The following IGF1 variants were observed in gnomAD, a reference collection of about 807,000 sequenced individuals.
IGF1 encodes insulin-like growth factor 1.
IGF1 carries 4 observed loss-of-function variants against 13.8 expected under a neutral mutation model. That is an observed-to-expected ratio of 0.29 (90% CI 0.14 to 0.66). The LOEUF is 0.66. Ranked by LOEUF, IGF1 falls within the 30% of genes least tolerant of loss-of-function variation. The pLI is 0.78. For synonymous variants in IGF1, 76 were observed against 72.6 expected (o/e 1.05, Z -0.23); for missense variants, 124 against 188.5 (o/e 0.66, Z 2.00).
At chr12:102,455,503 A>G (rs571536879) in intron 2 of IGF1, among the ~76,000 whole-genome samples, 4 of 152,318 alleles carry the variant, frequency 2.6e-5, no homozygotes, top group African/African-American at 9.6e-5. Flanking sequence ...TGACAAGTTA[A>G]GTTCATTTTG....
chr12:102,404,751 T>C (rs1240277661), intron 3 of IGF1, among the ~76,000 whole-genome samples: 2 of 107,074 alleles, frequency 1.9e-5, no homozygotes, highest in Non-Finnish European at 3.5e-5. Context: ...TTGTGTTTTG[T>C]TTTTTTTTGT....
At position 102,407,303 on chromosome 12, in the gene IGF1, T is replaced by C. The variant is rs973235035; in HGVS notation, c.403-4737A>G. ...CAAGCTGAAGCTCGCTAACATTTAGTAATGTGCTTGAGGTCACAGAGGAAC... is the reference window on the plus strand; with the variant it reads ...CAAGCTGAAGCTCGCTAACATTTAGCAATGTGCTTGAGGTCACAGAGGAAC... On this transcript the variant is annotated intron_variant, in intron 3 of 3. Transcript: ENST00000337514. Among the ~76,000 whole-genome samples the C allele has an allele frequency of 2.6e-5, 4 of 152,166 alleles. No homozygotes were observed. In the East Asian group the frequency reaches 7.7e-4, roughly 29 times the overall value.
At chr12:102,475,146 T>G (rs1029752380) in intron 2 of IGF1, among the ~76,000 whole-genome samples, 1 of 152,216 alleles carries the variant, frequency 6.6e-6, no homozygotes, top group Admixed American at 6.5e-5. Flanking sequence ...TGTCTGTTCA[T>G]GGTGATTTCA....
intron 2 of IGF1, among the ~76,000 whole-genome samples, chr12:102,447,796 T>G (rs999094721): frequency 5.3e-5 from 8 of 152,176 alleles, no homozygotes; most frequent in Non-Finnish European, 1.2e-4. Context: ...GACTTTAATG[T>G]AAGACCTAAA....
At chr12:102,469,059 T>C (rs1880517361) in intron 2 of IGF1, among the ~76,000 whole-genome samples, 1 of 152,218 alleles carries the variant, frequency 6.6e-6, no homozygotes, top group South Asian at 2.1e-4. Flanking sequence ...ATGTCTCCCC[T>C]ACCAGCCACT....
At chr12:102,418,120 A>T in intron 3 of IGF1, 1 of 1,084,618 alleles carries the variant, frequency 9.2e-7, no homozygotes, top group Non-Finnish European at 1.3e-6. Context: ...CATGCTGGAG[A>T]GGGGTCTAGA....
Position 102,444,188 on chromosome 12 carries a change from G to A in IGF1, c.221-24498C>T, listed in dbSNP as rs532370358. Among the ~76,000 whole-genome samples the A allele has an allele frequency of 2.6e-5, 4 of 152,104 alleles. No individual in the cohort carries two copies. The South Asian group carries it at 8.4e-4, about 32-fold the overall frequency. Reference sequence around the variant, plus strand: ...CTATTGGGTGTGAGGAGTCAAGAGGGAGGGGGCAGAGTGAGGTCCTCTCTG... The same window carrying A: ...CTATTGGGTGTGAGGAGTCAAGAGGAAGGGGGCAGAGTGAGGTCCTCTCTG... On this transcript the variant is annotated intron_variant, in intron 2 of 3. Transcript: ENST00000337514.
chr12:102,440,175 C>T (rs1434701121), intron 2 of IGF1, among the ~76,000 whole-genome samples: 3 of 152,154 alleles, frequency 2.0e-5, no homozygotes, highest in East Asian at 1.9e-4. Flanking sequence ...TGTCCAAATC[C>T]GCATGGCTTC....
Position 102,397,179 on chromosome 12 carries a change from G to A in IGF1, c.*5328C>T. ...ATCATGCCACTGCACTCCAGCCTGG[G>A]GGACAGTGCGAGACCCCATCTCACA... is the stretch of plus-strand genomic sequence containing the variant. On this transcript the variant is annotated 3_prime_UTR_variant, in exon 4 of 4. Transcript: ENST00000337514. 1 of 235,268 alleles carries A rather than the reference G, an allele frequency of 4.3e-6. No homozygotes were observed. The highest frequency in any genetic ancestry group is 8.1e-6 in the Non-Finnish European group (1 of 123,262). The allele number at this position is 235,268 out of a possible 1,614,324, so 14.6% of individuals were successfully genotyped here.
At chr12:102,416,707 G>A (rs1389518352) in intron 3 of IGF1, among the ~76,000 whole-genome samples, 1 of 152,196 alleles carries the variant, frequency 6.6e-6, no homozygotes, top group African/African-American at 2.4e-5. Context: ...CTGTGGTGGG[G>A]TGGTGGAGGG....
At chr12:102,448,816 A>C (rs1440907232) in intron 2 of IGF1, among the ~76,000 whole-genome samples, 1 of 152,144 alleles carries the variant, frequency 6.6e-6, no homozygotes, top group Non-Finnish European at 1.5e-5. Flanking sequence ...ATCACTGGTC[A>C]TTAGAGAAAT....
intron 2 of IGF1, among the ~76,000 whole-genome samples, chr12:102,472,133 A>G (rs1228238575): frequency 6.6e-6 from 1 of 152,154 alleles, no homozygotes; most frequent in Non-Finnish European, 1.5e-5. Flanking sequence ...AGGCTGGCTG[A>G]TAGGCTCTCC....
intron 2 of IGF1, among the ~76,000 whole-genome samples, chr12:102,445,679 C>G (rs1353335779): frequency 6.6e-6 from 1 of 152,220 alleles, no homozygotes; most frequent in African/African-American, 2.4e-5. Flanking sequence ...ATGTCATCTG[C>G]AAACAGAGAC....
At chr12:102,404,091 CT>C (rs1173667982) in intron 3 of IGF1, among the ~76,000 whole-genome samples, 1 of 152,068 alleles carries the variant, frequency 6.6e-6, no homozygotes, top group African/African-American at 2.4e-5. Flanking sequence ...TGAGGTACTT[CT>C]TTTTTTGGTT....
At chr12:102,461,556 A>AT (rs1252665182) in intron 2 of IGF1, among the ~76,000 whole-genome samples, 2 of 152,104 alleles carry the variant, frequency 1.3e-5, no homozygotes, top group South Asian at 2.1e-4. Flanking sequence ...ATGCAATTAG[A>AT]TTTTTTTCTT....
At chr12:102,441,952 C>CTTCTTCTTCTTCTTCTTCTTCTT (rs1565984911) in intron 2 of IGF1, among the ~76,000 whole-genome samples, 1 of 140,950 alleles carries the variant, frequency 7.1e-6, no homozygotes, top group African/African-American at 2.6e-5. Flanking sequence ...TCTTCTTCTT[C>CTTCTTCTTCTTCTTCTTCTTCTT]TTCTTTTTTT....
chr12:102,462,866 T>C (rs1411261477), intron 2 of IGF1: 4 of 152,320 alleles, frequency 2.6e-5, no homozygotes, highest in Admixed American at 2.0e-4. Context: ...ATCCCTTTAA[T>C]AGAGAACATT....
intron 2 of IGF1, among the ~76,000 whole-genome samples, chr12:102,468,101 TAATC>T (rs1250700994): frequency 1.3e-5 from 2 of 152,240 alleles, no homozygotes; most frequent in South Asian, 2.1e-4. Flanking sequence ...GATGTATACT[TAATC>T]AATAATCAGG....
Position 102,440,790 on chromosome 12 carries a change from T to C in IGF1, c.221-21100A>G, listed in dbSNP as rs531815606. On this transcript the variant is annotated intron_variant, in intron 2 of 3. Coordinates refer to ENST00000337514, the MANE Select transcript of IGF1 (RefSeq NM_000618.5). ...TTTCCCCGTATTTAAGTGAGGCATT[T>C]GGGCCAGGAACATTTTAAGGCTTAA... is the stretch of plus-strand genomic sequence containing the variant. Among the ~76,000 whole-genome samples, 167 of 152,250 alleles carry C rather than the reference T, an allele frequency of 1.1e-3. 1 individual carries two copies. Among genetic ancestry groups the C allele is most frequent in the Non-Finnish European group, 2.1e-3 (144 of 67,998 alleles).
Sources: gnomAD v4.1 joint callset for allele counts (sites outside exome capture counted in the v4.1 genomes callset) on GRCh38, gnomAD v4.1.1 for gene constraint, MANE v1.5 for transcripts, NCBI Gene and HGNC (gene_info 2026-07-23, HGNC 2026-07-21) for gene names.